CEMIP: variants seen among roughly 807,000 people sequenced by gnomAD.
CEMIP encodes cell migration-inducing and hyaluronan-binding protein.
A neutral mutation model predicts 156.9 loss-of-function variants in CEMIP; 105 were observed. The ratio of observed to expected loss-of-function variants is 0.67; its 90% CI spans 0.57 to 0.79. CEMIP has a LOEUF of 0.79. Ranked by LOEUF, CEMIP falls within the 30% of genes least tolerant of loss-of-function variation. The probability of loss-of-function intolerance (pLI) is 0.00; values close to 1 mark genes in which losing one functional copy is unlikely to be tolerated. For missense variants in CEMIP, 1,457 were observed against 1,769.4 expected (o/e 0.82, Z 3.17); for synonymous variants, 676 against 668.4 (o/e 1.01, Z -0.17).
intron 10 of CEMIP, among the ~76,000 whole-genome samples, chr15:80,891,699 A>G (rs1442641811): frequency 6.6e-6 from 1 of 152,234 alleles, no homozygotes; most frequent in Admixed American, 6.5e-5. Flanking sequence ...CCAAGGGTGA[A>G]TTCAAACCTC....
chr15:80,918,384 T>C (rs947990642), intron 14 of CEMIP, among the ~76,000 whole-genome samples: 2 of 152,174 alleles, frequency 1.3e-5, no homozygotes, highest in African/African-American at 2.4e-5. Context: ...CCCAATGGAA[T>C]TTTTGGCAAT....
chr15:80,882,212 T>C (rs1365756838), intron 6 of CEMIP, among the ~76,000 whole-genome samples: 1 of 152,230 alleles, frequency 6.6e-6, no homozygotes, highest in African/African-American at 2.4e-5. Context: ...CGGTAAACAT[T>C]AGTACCTATA....
intron 13 of CEMIP, 92 bp from the exon 14 acceptor site, chr15:80,909,005 C>A: frequency 8.3e-7 from 1 of 1,197,768 alleles, no homozygotes; most frequent in Non-Finnish European, 1.2e-6. Flanking sequence ...TGACAAAGAA[C>A]AATGCCTCTG....
intron 19 of CEMIP, among the ~76,000 whole-genome samples, chr15:80,928,232 G>C (rs1900766355): frequency 1.3e-5 from 2 of 152,076 alleles, no homozygotes; most frequent in African/African-American, 2.4e-5. Flanking sequence ...TGGTAGCACA[G>C]ACCCAAGGCT....
chr15:80,948,627 C>A, intron 29 of CEMIP, 170 bp from the exon 30 acceptor site: 2 of 871,244 alleles, frequency 2.3e-6, no homozygotes, highest in East Asian at 2.5e-5. Flanking sequence ...AAACACATGT[C>A]AGGCACCATC....
chr15:80,835,785 C>T (rs962025938), intron 1 of CEMIP, among the ~76,000 whole-genome samples: 1 of 152,196 alleles, frequency 6.6e-6, no homozygotes, highest in Non-Finnish European at 1.5e-5. Flanking sequence ...CATCCACAGT[C>T]TCCCTTCTCC....
intron 1 of CEMIP, among the ~76,000 whole-genome samples, chr15:80,866,163 G>A (rs141113948): frequency 6.6e-6 from 1 of 152,336 alleles, no homozygotes; most frequent in African/African-American, 2.4e-5. Context: ...ACTCTGCCAT[G>A]CTTGGGGATA....
At chr15:80,797,210 T>A (rs988515161) in intron 1 of CEMIP, among the ~76,000 whole-genome samples, 1 of 152,214 alleles carries the variant, frequency 6.6e-6, no homozygotes, top group Non-Finnish European at 1.5e-5. Context: ...GTGGAGGTGA[T>A]TGCAGATCAT....
intron 10 of CEMIP, among the ~76,000 whole-genome samples, chr15:80,893,155 C>CT (rs1165536577): frequency 1.1e-4 from 16 of 151,748 alleles, no homozygotes; most frequent in Admixed American, 8.5e-4. Flanking sequence ...GTACTCCAGC[C>CT]TGGGCAAGAG....
Position 80,937,705 on chromosome 15 carries a change from A to G in CEMIP, c.3222-89A>G, listed in dbSNP as rs1437267211. 3 of 1,223,210 alleles carry G rather than the reference A, an allele frequency of 2.5e-6. No individual in the cohort carries two copies. In the African/African-American group the frequency reaches 4.5e-5, roughly 18 times the overall value. 75.8% of individuals were successfully genotyped at this position (1,223,210 alleles called of 1,614,324 possible). The stretch of plus-strand genomic sequence containing the variant: ...AAAGTGGAGGTGTCATTTGGTGGAG[A>G]TTTTTTGGTCTCTTTCTCCAAGGCA... On this transcript the variant is annotated intron_variant, in intron 24 of 29. Transcript: ENST00000394685.
intron 1 of CEMIP, among the ~76,000 whole-genome samples, chr15:80,798,312 A>C (rs543965231): frequency 1.2e-4 from 19 of 152,320 alleles, no homozygotes; most frequent in African/African-American, 4.6e-4. Context: ...TTCAGTTTTC[A>C]AAGTCGTCTT....
In CEMIP at chr15:80,936,853, C is replaced by T. The variant is rs79713495; in HGVS notation, c.3189C>T (p.Ala1063=). The change falls in exon 24 of 30, where the codon GCC becomes GCT. Residue 1063 remains alanine, a synonymous_variant. Transcript: ENST00000394685. ...TCCACTGGGACCAGACGGCCCCCGC[C>T]GAACTCGCCATCTGGCTCATCAACT... ...YTIHWDQTAP[A]ELAIWLINFN... The T allele has an allele frequency of 9.7e-5, 156 of 1,614,192 alleles. No individual in the cohort carries two copies. In the East Asian group the frequency reaches 2.6e-3, roughly 27 times the overall value.
intron 1 of CEMIP, among the ~76,000 whole-genome samples, chr15:80,781,936 CTGTT>C (rs1194002625): frequency 2.0e-5 from 3 of 152,122 alleles, no homozygotes; most frequent in East Asian, 3.9e-4. Context: ...AACCTAGTAA[CTGTT>C]TGATAGGGAC....
At chr15:80,817,975 G>A (rs951704320) in intron 1 of CEMIP, among the ~76,000 whole-genome samples, 2 of 152,050 alleles carry the variant, frequency 1.3e-5, no homozygotes, top group African/African-American at 4.8e-5. Flanking sequence ...CTGGGCATTC[G>A]TCATCTTATT....
At chr15:80,903,504 G>C (rs965760670) in intron 12 of CEMIP, among the ~76,000 whole-genome samples, 1 of 152,220 alleles carries the variant, frequency 6.6e-6, no homozygotes, top group African/African-American at 2.4e-5. Flanking sequence ...TTCAAGGAAG[G>C]ATGATGGTCT....
chr15:80,931,833 G>A, intron 21 of CEMIP, 26 bp from the exon 22 acceptor site: 1 of 1,607,826 alleles, frequency 6.2e-7, no homozygotes, highest in Non-Finnish European at 8.5e-7. Flanking sequence ...CATTTAGACT[G>A]ACATCTTACT....
At chr15:80,910,948 C>T (rs1900026589) in intron 14 of CEMIP, among the ~76,000 whole-genome samples, 1 of 152,204 alleles carries the variant, frequency 6.6e-6, no homozygotes, top group Non-Finnish European at 1.5e-5. Context: ...TGAAAGACAT[C>T]AAGATTTACA....
chr15:80,817,616 A>ATAATAAT (rs1439318614), intron 1 of CEMIP, among the ~76,000 whole-genome samples: 1 of 148,126 alleles, frequency 6.8e-6, no homozygotes, highest in Non-Finnish European at 1.5e-5. Flanking sequence ...AATAATAATA[A>ATAATAAT]TAATAATAAT....
chr15:80,891,365 G>C (rs1268434061), intron 10 of CEMIP, among the ~76,000 whole-genome samples: 1 of 152,200 alleles, frequency 6.6e-6, no homozygotes, highest in Non-Finnish European at 1.5e-5. Flanking sequence ...CCCAGGCTGA[G>C]AGCTCCATAA....
Sources: gnomAD v4.1 joint callset for allele counts (sites outside exome capture counted in the v4.1 genomes callset) on GRCh38, gnomAD v4.1.1 for gene constraint, MANE v1.5 for transcripts, NCBI Gene and HGNC (gene_info 2026-07-23, HGNC 2026-07-21) for gene names.